The following HECW2 variants were observed in gnomAD, a reference collection of about 807,000 sequenced individuals.
HECW2 encodes E3 ubiquitin-protein ligase HECW2.
In HECW2, 61 loss-of-function variants were observed where a neutral mutation model predicts 175.2. The observed-to-expected ratio is 0.35, with a 90% CI of 0.28 to 0.43. The LOEUF (loss-of-function observed/expected upper bound fraction) is 0.43, where lower values mean the gene tolerates loss of function less well. HECW2 is among the 20% of genes least tolerant of loss of function. The pLI is 1.00. For synonymous variants in HECW2, 671 were observed against 731.0 expected, an observed-to-expected ratio of 0.92 and a Z score of 1.32; for missense variants, 1,524 against 2,000.5, an observed-to-expected ratio of 0.76 and a Z score of 4.54.
chr2:196,383,547 G>A (rs1049436998), intron 2 of HECW2, among the ~76,000 whole-genome samples: 3 of 152,154 alleles, frequency 2.0e-5, no homozygotes, highest in Non-Finnish European at 4.4e-5. Flanking sequence ...TAGAAAAGAA[G>A]GGTCTAGGAA....
At chr2:196,583,307 G>A (rs1690858846) in intron 1 of HECW2, among the ~76,000 whole-genome samples, 1 of 152,168 alleles carries the variant, frequency 6.6e-6, no homozygotes. Flanking sequence ...AAGGCACTGA[G>A]GATCTCATCC....
At chr2:196,236,564 C>T (rs536101028) in intron 21 of HECW2, among the ~76,000 whole-genome samples, 1 of 152,284 alleles carries the variant, frequency 6.6e-6, no homozygotes, top group Admixed American at 6.5e-5. Context: ...TTCCATGATC[C>T]CATACAGGAA....
At chr2:196,453,770 C>G (rs1287796102) in intron 1 of HECW2, among the ~76,000 whole-genome samples, 1 of 152,012 alleles carries the variant, frequency 6.6e-6, no homozygotes, top group Admixed American at 6.6e-5. Flanking sequence ...GCTCACTAGC[C>G]CCACCTAATG....
At chr2:196,236,272 T>C (rs1688250083) in intron 21 of HECW2, among the ~76,000 whole-genome samples, 2 of 152,200 alleles carry the variant, frequency 1.3e-5, no homozygotes, top group South Asian at 2.1e-4. Flanking sequence ...ATTTATCAGA[T>C]AACAAGGAAA....
At chr2:196,234,205 A>G (rs1189602428) in intron 21 of HECW2, among the ~76,000 whole-genome samples, 1 of 152,064 alleles carries the variant, frequency 6.6e-6, no homozygotes, top group East Asian at 1.9e-4. Flanking sequence ...TACGCAGGCC[A>G]CTATTTCTTT....
In HECW2 at chr2:196,335,287, A is replaced by G. The variant is rs1161719601; in HGVS notation, c.401-769T>C. Among the ~76,000 whole-genome samples, 9 of 152,216 alleles carry G rather than the reference A, an allele frequency of 5.9e-5. No homozygotes were observed. In the East Asian group the frequency reaches 1.7e-3, roughly 29 times the overall value. On this transcript the variant is annotated intron_variant, in intron 3 of 28. Coordinates refer to ENST00000644978, the MANE Select transcript of HECW2 (RefSeq NM_001348768.2). ...CAATTATGGTTTTTGGAAAGTAACT[A>G]CAATTCCAAAGCACGAAACCAAACT... is the stretch of plus-strand genomic sequence containing the variant.
At chr2:196,299,949 G>T (rs11888856) in intron 13 of HECW2, among the ~76,000 whole-genome samples, 5 of 151,372 alleles carry the variant, frequency 3.3e-5, no homozygotes, top group Non-Finnish European at 5.9e-5. Context: ...AAAAATTCCC[G>T]CAGCCTTATA....
At chr2:196,402,505 A>C (rs1256637814) in intron 2 of HECW2, among the ~76,000 whole-genome samples, 1 of 152,126 alleles carries the variant, frequency 6.6e-6, no homozygotes, top group Non-Finnish European at 1.5e-5. Context: ...TCCTTCACTG[A>C]TTCAGTCCCC....
At chr2:196,581,481 C>T (rs1169622015) in intron 1 of HECW2, among the ~76,000 whole-genome samples, 1 of 152,076 alleles carries the variant, frequency 6.6e-6, no homozygotes, top group Non-Finnish European at 1.5e-5. Flanking sequence ...TTGCAGTGAG[C>T]TGAGATCACA....
chr2:196,462,022 C>A (rs1029330290), intron 1 of HECW2, among the ~76,000 whole-genome samples: 1 of 151,986 alleles, frequency 6.6e-6, no homozygotes, highest in Non-Finnish European at 1.5e-5. Context: ...TCCTGTCAGA[C>A]CTTTTCTGTA....
At chr2:196,226,009 T>C (rs1687835829) in intron 22 of HECW2, 139 bp from the exon 23 acceptor site, 1 of 604,344 alleles carries the variant, frequency 1.7e-6, no homozygotes, top group East Asian at 2.9e-5. Flanking sequence ...TGAGAATTTG[T>C]AGGCACCATG....
At chr2:196,534,216 C>T (rs1035906116) in intron 1 of HECW2, among the ~76,000 whole-genome samples, 33 of 151,948 alleles carry the variant, frequency 2.2e-4, no homozygotes, top group Non-Finnish European at 8.8e-5. Context: ...TTCCTGACCA[C>T]AGGAAAGCTT....
chr2:196,586,653 G>A (rs916039279), intron 1 of HECW2: 1 of 151,090 alleles, frequency 6.6e-6, no homozygotes, highest in African/African-American at 2.4e-5. Context: ...TTTTCTTCAT[G>A]AAGCCATCAC....
chr2:196,323,509 T>A (rs1435900127), intron 6 of HECW2, among the ~76,000 whole-genome samples: 1 of 152,206 alleles, frequency 6.6e-6, no homozygotes, highest in African/African-American at 2.4e-5. Context: ...TTCACTTAGG[T>A]GCCTCTAGGT....
At chr2:196,472,278 G>A (rs1000319363) in intron 1 of HECW2, among the ~76,000 whole-genome samples, 4 of 151,906 alleles carry the variant, frequency 2.6e-5, no homozygotes, top group African/African-American at 4.8e-5. Flanking sequence ...GAGGTCAGGA[G>A]TTCAATACCA....
intron 13 of HECW2, among the ~76,000 whole-genome samples, chr2:196,298,707 C>T (rs998680836): frequency 2.0e-5 from 3 of 152,072 alleles, no homozygotes; most frequent in Non-Finnish European, 4.4e-5. Flanking sequence ...TCCAAGTGTT[C>T]TTCTCATTGT....
At chr2:196,488,611 T>C (rs1423836103) in intron 1 of HECW2, among the ~76,000 whole-genome samples, 1 of 151,238 alleles carries the variant, frequency 6.6e-6, no homozygotes, top group Admixed American at 6.6e-5. Flanking sequence ...AGATACTAAT[T>C]TTATCATGAA....
At chr2:196,559,013 C>T (rs1055863857) in intron 1 of HECW2, among the ~76,000 whole-genome samples, 1 of 152,152 alleles carries the variant, frequency 6.6e-6, no homozygotes, top group African/African-American at 2.4e-5. Context: ...CTCACAACAA[C>T]CCAGGGAGAT....
At chr2:196,387,878 G>A (rs149448225) in intron 2 of HECW2, among the ~76,000 whole-genome samples, 152 of 152,230 alleles carry the variant, frequency 1.0e-3, no homozygotes, top group Non-Finnish European at 1.7e-3. Flanking sequence ...AGCAACCTCC[G>A]TATTTCATTG....
Sources: allele counts gnomAD v4.1 joint callset (sites outside exome capture counted in the v4.1 genomes callset), GRCh38; gene constraint gnomAD v4.1.1; transcripts MANE v1.5; gene names NCBI Gene and HGNC (gene_info 2026-07-23, HGNC 2026-07-21).